NCOA2: variants seen among roughly 807,000 people sequenced by gnomAD.
NCOA2 encodes the protein class E basic helix-loop-helix protein 75.
In NCOA2, 21 loss-of-function variants were observed where a neutral mutation model predicts 145.1. The ratio of observed to expected loss-of-function variants is 0.14; its 90% CI spans 0.10 to 0.21. The LOEUF (loss-of-function observed/expected upper bound fraction) is 0.21. Ranked by LOEUF, NCOA2 falls within the 10% of genes least tolerant of loss-of-function variation. The pLI is 1.00. For missense variants in NCOA2, 1,472 were observed against 1,837.6 expected (o/e 0.80, Z 3.64); for synonymous variants, 619 against 637.5 (o/e 0.97, Z 0.44).
At chr8:70,134,716 T>G (rs2131641501) in intron 15 of NCOA2, among the ~76,000 whole-genome samples, 1 of 152,306 alleles carries the variant, frequency 6.6e-6, no homozygotes, top group South Asian at 2.1e-4. Flanking sequence ...AAACAATCAT[T>G]TGAATTTAAA....
intron 1 of NCOA2, among the ~76,000 whole-genome samples, chr8:70,390,955 A>G (rs1264797785): frequency 6.6e-6 from 1 of 152,198 alleles, no homozygotes; most frequent in African/African-American, 2.4e-5. Context: ...AGTGAGAATG[A>G]ACCCCTATGC....
intron 2 of NCOA2, among the ~76,000 whole-genome samples, chr8:70,256,514 G>C (rs531639082): frequency 6.6e-6 from 1 of 152,290 alleles, no homozygotes; most frequent in South Asian, 2.1e-4. Flanking sequence ...AAACATGGCC[G>C]ACTTCATTGT....
At chr8:70,288,434 A>T (rs1163932955) in intron 2 of NCOA2, among the ~76,000 whole-genome samples, 1 of 152,072 alleles carries the variant, frequency 6.6e-6, no homozygotes, top group East Asian at 1.9e-4. Flanking sequence ...AAAAAAAATT[A>T]GCCAGCATGG....
chr8:70,337,713 T>G (rs1380920265), intron 1 of NCOA2, among the ~76,000 whole-genome samples: 1 of 152,106 alleles, frequency 6.6e-6, no homozygotes, highest in Non-Finnish European at 1.5e-5. Context: ...AAAACACTCC[T>G]CAGCAAATGC....
intron 1 of NCOA2, among the ~76,000 whole-genome samples, chr8:70,356,470 C>T (rs1176757916): frequency 6.6e-6 from 1 of 152,160 alleles, no homozygotes; most frequent in African/African-American, 2.4e-5. Flanking sequence ...CAAATTGTTA[C>T]AGAAACTACT....
At chr8:70,329,277 T>C (rs1441088443) in intron 1 of NCOA2, among the ~76,000 whole-genome samples, 2 of 152,072 alleles carry the variant, frequency 1.3e-5, no homozygotes, top group Non-Finnish European at 2.9e-5. Flanking sequence ...CCACCACACC[T>C]GGCTTATTTT....
intron 2 of NCOA2, among the ~76,000 whole-genome samples, chr8:70,295,787 C>CA (rs1827044032): frequency 6.6e-6 from 1 of 151,690 alleles, no homozygotes; most frequent in South Asian, 2.1e-4. Flanking sequence ...ATTAAAAATA[C>CA]AAAAAAAATT....
chr8:70,257,923 T>TA (rs1207279610), intron 2 of NCOA2, among the ~76,000 whole-genome samples: 1 of 152,036 alleles, frequency 6.6e-6, no homozygotes, highest in Non-Finnish European at 1.5e-5. Flanking sequence ...TTTCTTTTCT[T>TA]TTTTCTTTTT....
chr8:70,282,167 G>A (rs912061100), intron 2 of NCOA2, among the ~76,000 whole-genome samples: 1 of 152,086 alleles, frequency 6.6e-6, no homozygotes, highest in Non-Finnish European at 1.5e-5. Context: ...CAATGTAAGA[G>A]ATTAAAATGC....
chr8:70,153,722 G>A (rs1812001675), intron 11 of NCOA2, among the ~76,000 whole-genome samples: 1 of 152,138 alleles, frequency 6.6e-6, no homozygotes, highest in South Asian at 2.1e-4. Flanking sequence ...AACACTTACA[G>A]GTGTTAATAT....
chr8:70,150,352 T>C (rs1401073421), intron 11 of NCOA2, among the ~76,000 whole-genome samples: 2 of 152,208 alleles, frequency 1.3e-5, no homozygotes, highest in African/African-American at 4.8e-5. Flanking sequence ...GACTATCTCC[T>C]CCAACAGCAA....
chr8:70,333,080 T>C (rs1487131009), intron 1 of NCOA2, among the ~76,000 whole-genome samples: 1 of 152,306 alleles, frequency 6.6e-6, no homozygotes, highest in East Asian at 1.9e-4. Context: ...TTCAAACTTA[T>C]GATTTCATTT....
At chr8:70,427,986 G>GT in the NCOA2 span, among the ~76,000 whole-genome samples, 42 of 151,540 alleles carry the variant, frequency 2.8e-4, no homozygotes, top group Non-Finnish European at 5.3e-4. Context: ...CCTTCTTGAG[G>GT]TTTTTTTTAA....
At chr8:70,216,426 TAA>T (rs1051108689) in intron 3 of NCOA2, among the ~76,000 whole-genome samples, 3 of 152,262 alleles carry the variant, frequency 2.0e-5, no homozygotes, top group African/African-American at 4.8e-5. Flanking sequence ...AAATTGATTC[TAA>T]GAGTCAAAAG....
chr8:70,288,782 C>A (rs1189617584), intron 2 of NCOA2, among the ~76,000 whole-genome samples: 1 of 152,140 alleles, frequency 6.6e-6, no homozygotes, highest in Non-Finnish European at 1.5e-5. Flanking sequence ...GAAATTTGAA[C>A]CTGACTTTGA....
intron 16 of NCOA2, among the ~76,000 whole-genome samples, chr8:70,131,430 C>G (rs1809087737): frequency 6.6e-6 from 1 of 152,226 alleles, no homozygotes; most frequent in Non-Finnish European, 1.5e-5. Context: ...CACCAGCCCA[C>G]AGGTGTGAAA....
At chr8:70,163,352 C>T in intron 8 of NCOA2, 113 bp downstream of exon 8, 2 of 711,746 alleles carry the variant, frequency 2.8e-6, no homozygotes, top group South Asian at 3.8e-5. Context: ...TCTACTGCAG[C>T]AGCAATTGCT....
intron 2 of NCOA2, among the ~76,000 whole-genome samples, chr8:70,286,806 TAAAAC>T (rs1450862731): frequency 6.6e-6 from 1 of 152,064 alleles, no homozygotes; most frequent in Non-Finnish European, 1.5e-5. Flanking sequence ...TATATATATT[TAAAAC>T]AAAACAAAAC....
chr8:70,323,778 G>C (rs1164144128), intron 1 of NCOA2, among the ~76,000 whole-genome samples: 1 of 151,876 alleles, frequency 6.6e-6, no homozygotes, highest in Non-Finnish European at 1.5e-5. Context: ...CTAATTTTCT[G>C]GTTTTCTAGA....
Sources: allele counts gnomAD v4.1 joint callset (sites outside exome capture counted in the v4.1 genomes callset), GRCh38; gene constraint gnomAD v4.1.1; transcripts MANE v1.5; gene names NCBI Gene and HGNC (gene_info 2026-07-23, HGNC 2026-07-21).